CNTN5: variants seen among roughly 807,000 people sequenced by gnomAD.
CNTN5 encodes contactin-5.
A neutral mutation model predicts 129.1 loss-of-function variants in CNTN5; 77 were observed. That is an observed-to-expected ratio of 0.60 (90% CI 0.50 to 0.72). The LOEUF (loss-of-function observed/expected upper bound fraction) is 0.72, where lower values mean the gene tolerates loss of function less well. Among genes scored for constraint, CNTN5 ranks in the 30% least tolerant of loss-of-function variants. The probability of loss-of-function intolerance (pLI) is 0.00; values close to 1 mark genes in which losing one functional copy is unlikely to be tolerated. For missense variants in CNTN5, 1,478 were observed against 1,328.8 expected, an observed-to-expected ratio of 1.11 and a Z score of -1.75; for synonymous variants, 509 against 465.6, an observed-to-expected ratio of 1.09 and a Z score of -1.20.
chr11:99,026,055 A>G (rs1324743270), intron 1 of CNTN5, among the ~76,000 whole-genome samples: 3 of 151,674 alleles, frequency 2.0e-5, no homozygotes, highest in Non-Finnish European at 4.4e-5. Context: ...CCTGATGATT[A>G]AAAGTAATAT....
intron 2 of CNTN5, among the ~76,000 whole-genome samples, chr11:99,400,271 A>G (rs554167187): frequency 6.6e-6 from 1 of 152,202 alleles, no homozygotes; most frequent in East Asian, 1.9e-4. Flanking sequence ...GAGAACATGT[A>G]GTGTTTGTCT....
At chr11:99,397,838 A>G (rs1160051299) in intron 2 of CNTN5, among the ~76,000 whole-genome samples, 1 of 151,868 alleles carries the variant, frequency 6.6e-6, no homozygotes, top group Non-Finnish European at 1.5e-5. Flanking sequence ...TTAGAAACCT[A>G]GATCTGGGCA....
intron 2 of CNTN5, among the ~76,000 whole-genome samples, chr11:99,367,100 C>T (rs1267554072): frequency 2.0e-5 from 3 of 152,090 alleles, no homozygotes; most frequent in Non-Finnish European, 4.4e-5. Context: ...TTTAATCACC[C>T]AATTCTAAAA....
At chr11:99,960,941 G>C (rs1484927388) in intron 8 of CNTN5, among the ~76,000 whole-genome samples, 1 of 152,102 alleles carries the variant, frequency 6.6e-6, no homozygotes, top group African/African-American at 2.4e-5. Context: ...CGTGGCTCAT[G>C]CCTGTAATCC....
chr11:99,995,460 A>G (rs976553297), intron 8 of CNTN5, among the ~76,000 whole-genome samples: 2 of 152,246 alleles, frequency 1.3e-5, no homozygotes, highest in African/African-American at 4.8e-5. Context: ...ACAAATAAAT[A>G]GATAAATATT....
intron 13 of CNTN5, among the ~76,000 whole-genome samples, chr11:100,099,153 G>T (rs1467397902): frequency 1.3e-5 from 2 of 151,998 alleles, no homozygotes; most frequent in Non-Finnish European, 2.9e-5. Flanking sequence ...AATTACCTTG[G>T]TTATACTTAA....
intron 11 of CNTN5, 25 bp from the exon 12 acceptor site, chr11:100,071,680 T>C (rs907288843): frequency 1.3e-6 from 2 of 1,519,782 alleles, no homozygotes; most frequent in Non-Finnish European, 1.8e-6. Flanking sequence ...ACTTTCTAGA[T>C]CTAATTTTTT....
At chr11:100,290,137 C>T (rs1950923228) in intron 18 of CNTN5, among the ~76,000 whole-genome samples, 1 of 151,328 alleles carries the variant, frequency 6.6e-6, no homozygotes, top group Non-Finnish European at 1.5e-5. Context: ...ACATTCCATG[C>T]TCCTGGGTAG....
intron 13 of CNTN5, among the ~76,000 whole-genome samples, chr11:100,088,583 A>T (rs1261521383): frequency 6.6e-6 from 1 of 152,052 alleles, no homozygotes; most frequent in East Asian, 1.9e-4. Context: ...GAAATACATA[A>T]GATCCTCAGA....
chr11:99,142,322 T>C (rs376019136), intron 1 of CNTN5, among the ~76,000 whole-genome samples: 24,709 of 126,902 alleles, frequency 0.19, 2,128 homozygotes, highest in Middle Eastern at 0.27. Context: ...GCGAGGTCTG[T>C]GTGTGCTTAT....
chr11:99,840,478 G>T (rs1345781014), intron 4 of CNTN5, among the ~76,000 whole-genome samples: 1 of 151,432 alleles, frequency 6.6e-6, no homozygotes, highest in African/African-American at 2.4e-5. Flanking sequence ...TCGTAGCAGA[G>T]AATAAACAGA....
rs374758158 is a variant in CNTN5, at chr11:100,297,580, T to C, written c.2315-45T>C. On this transcript the variant is annotated intron_variant, in intron 18 of 24. Coordinates refer to ENST00000524871, the MANE Select transcript of CNTN5 (RefSeq NM_014361.4). ...ATCTCAGGATTTTATCCAACGTAGG[T>C]TGGGAGTTTTTTTCTCCTCACTCTC... 1.2e-5 allele frequency: 15 copies of C among 1,284,532 alleles called. No individual in the cohort carries two copies. The African/African-American group carries it at 1.7e-4, about 15-fold the overall frequency. 79.6% of individuals were successfully genotyped at this position (1,284,532 alleles called of 1,614,324 possible).
chr11:99,570,791 T>C (rs537413766), intron 3 of CNTN5, among the ~76,000 whole-genome samples: 1 of 152,050 alleles, frequency 6.6e-6, no homozygotes, highest in Non-Finnish European at 1.5e-5. Flanking sequence ...GTGAGTAATA[T>C]TGGGGGAGAT....
chr11:99,485,929 T>C (rs576749083), intron 2 of CNTN5, among the ~76,000 whole-genome samples: 2 of 152,174 alleles, frequency 1.3e-5, no homozygotes, highest in South Asian at 4.1e-4. Flanking sequence ...TTTGTAATCA[T>C]GGACTAATAA....
chr11:99,155,925 C>T (rs1403793735), intron 1 of CNTN5, among the ~76,000 whole-genome samples: 1 of 151,876 alleles, frequency 6.6e-6, no homozygotes, highest in Non-Finnish European at 1.5e-5. Context: ...ATATTATACT[C>T]TTCTAGGGAA....
chr11:99,248,710 A>C (rs1014914023), intron 1 of CNTN5, among the ~76,000 whole-genome samples: 2 of 152,186 alleles, frequency 1.3e-5, no homozygotes, highest in African/African-American at 4.8e-5. Flanking sequence ...AGCACCATGT[A>C]TTAAATAGGG....
At position 100,014,511 on chromosome 11, in the gene CNTN5, G is replaced by A. The variant is rs140377200; in HGVS notation, c.980+12375G>A. On this transcript the variant is annotated intron_variant, in intron 9 of 24. Coordinates refer to ENST00000524871, the MANE Select transcript of CNTN5 (RefSeq NM_014361.4). ...CAAGAGAATCGCTTGAACCTGGGAG[G>A]CGGAGGTTGCAGTAAGCCGAGATTG... Among the ~76,000 whole-genome samples the A allele has an allele frequency of 2.7e-4, 41 of 152,144 alleles. No homozygotes were observed. The East Asian group carries it at 6.4e-3, about 24-fold the overall frequency.
rs1952583694 is a variant in CNTN5 at position 100,358,872 on chromosome 11, T to G, written c.*2652T>G. On this transcript the variant is annotated 3_prime_UTR_variant, in exon 25 of 25. Coordinates refer to ENST00000524871, the MANE Select transcript of CNTN5 (RefSeq NM_014361.4). ...GATCTTTTTAATAAATAATTCTCTT[T>G]TTATTGACTTTTATCTTCTCTCCTG... is the stretch of plus-strand genomic sequence containing the variant. The G allele has an allele frequency of 6.6e-6, 1 of 151,884 alleles. No individual in the cohort carries two copies. Among genetic ancestry groups the G allele is most frequent in the South Asian group, 2.1e-4 (1 of 4,832 alleles). The allele number at this position is 151,884 out of a possible 1,614,324, so 9.4% of individuals were successfully genotyped here.
At chr11:99,296,284 T>A (rs1399067930) in intron 1 of CNTN5, among the ~76,000 whole-genome samples, 1 of 152,158 alleles carries the variant, frequency 6.6e-6, no homozygotes, top group East Asian at 1.9e-4. Flanking sequence ...CCTTCTCAGC[T>A]GTGAGATTAT....
Sources: gnomAD v4.1 joint callset for allele counts (sites outside exome capture counted in the v4.1 genomes callset) on GRCh38, gnomAD v4.1.1 for gene constraint, MANE v1.5 for transcripts, NCBI Gene and HGNC (gene_info 2026-07-23, HGNC 2026-07-21) for gene names.